Variants in SNX4 observed in about 807,000 individuals in gnomAD.
The protein encoded by SNX4 is sorting nexin 4.
Under a neutral mutation model 70.8 loss-of-function variants are expected in SNX4, and 49 were observed. That is an observed-to-expected ratio of 0.69 (90% CI 0.55 to 0.88). The LOEUF (loss-of-function observed/expected upper bound fraction) is 0.88, where lower values mean the gene tolerates loss of function less well. Among genes scored for constraint, SNX4 ranks in the 40% least tolerant of loss-of-function variants. The pLI is 0.00. For missense variants in SNX4, 528 were observed against 544.8 expected (o/e 0.97, Z 0.31); for synonymous variants, 206 against 183.8 (o/e 1.12, Z -0.98).
At chr3:125,518,535 A>G (rs1184566308) in intron 1 of SNX4, among the ~76,000 whole-genome samples, 4 of 152,152 alleles carry the variant, frequency 2.6e-5, no homozygotes. Flanking sequence ...CAGCAGGCAA[A>G]ACTTTCAAAT....
intron 1 of SNX4, among the ~76,000 whole-genome samples, chr3:125,514,751 T>G (rs916549213): frequency 4.6e-5 from 7 of 152,146 alleles, no homozygotes; most frequent in African/African-American, 1.7e-4. Context: ...TACAGTGACA[T>G]GATCATGGCT....
chr3:125,496,653 GAAGA>G (rs969080234), intron 5 of SNX4, among the ~76,000 whole-genome samples: 2 of 152,164 alleles, frequency 1.3e-5, no homozygotes, highest in African/African-American at 4.8e-5. Flanking sequence ...TTCTTTTAGG[GAAGA>G]AATAAACAGC....
chr3:125,456,894 C>T (rs1018487762), intron 11 of SNX4, among the ~76,000 whole-genome samples: 5 of 152,060 alleles, frequency 3.3e-5, no homozygotes, highest in Admixed American at 1.3e-4. Flanking sequence ...CTCCTGACCT[C>T]AGGTGATCCA....
intron 6 of SNX4, 38 bp downstream of exon 6, chr3:125,489,370 A>C: frequency 6.6e-7 from 1 of 1,510,224 alleles, no homozygotes; most frequent in African/African-American, 1.4e-5. Flanking sequence ...AGCACCATTC[A>C]AAACAACATT....
At chr3:125,505,831 C>T (rs761710699) in intron 1 of SNX4, among the ~76,000 whole-genome samples, 4 of 152,118 alleles carry the variant, frequency 2.6e-5, no homozygotes, top group Admixed American at 2.6e-4. Flanking sequence ...TGTGGTAGAG[C>T]GTGTCTTTAG....
intron 1 of SNX4, among the ~76,000 whole-genome samples, chr3:125,509,068 C>G (rs1165819896): frequency 1.3e-5 from 2 of 151,934 alleles, no homozygotes; most frequent in African/African-American, 4.8e-5. Context: ...CGTGGTGGCT[C>G]ATGCCTGTAA....
At chr3:125,458,481 TTA>T (rs2107528320) in intron 10 of SNX4, among the ~76,000 whole-genome samples, 1 of 152,254 alleles carries the variant, frequency 6.6e-6, no homozygotes, top group South Asian at 2.1e-4. Flanking sequence ...GAAATGTTTA[TTA>T]GTTTTTATGA....
chr3:125,457,892 T>C (rs957684958), intron 10 of SNX4, among the ~76,000 whole-genome samples: 1 of 151,980 alleles, frequency 6.6e-6, no homozygotes, highest in Non-Finnish European at 1.5e-5. Flanking sequence ...ACGTCATATA[T>C]TCTTAACACA....
At chr3:125,513,326 G>A (rs1376214721) in intron 1 of SNX4, among the ~76,000 whole-genome samples, 1 of 152,154 alleles carries the variant, frequency 6.6e-6, no homozygotes, top group Admixed American at 6.5e-5. Flanking sequence ...TCCCAGCCTC[G>A]AAGACTGTAA....
chr3:125,482,371 T>C (rs1389689205), intron 6 of SNX4, among the ~76,000 whole-genome samples: 1 of 152,218 alleles, frequency 6.6e-6, no homozygotes, highest in East Asian at 1.9e-4. Flanking sequence ...TGAGTGCATC[T>C]GTATTTCCTT....
At chr3:125,513,193 G>A (rs889223310) in intron 1 of SNX4, among the ~76,000 whole-genome samples, 2 of 152,244 alleles carry the variant, frequency 1.3e-5, no homozygotes, top group Non-Finnish European at 2.9e-5. Flanking sequence ...CCTGATAAAA[G>A]AGACCCCAGA....
Position 125,497,854 on chromosome 3 carries a change from A to G in SNX4, c.529T>C (p.Phe177Leu). 7 of 1,606,682 alleles carry G rather than the reference A, an allele frequency of 4.4e-6. No homozygotes were observed. In the South Asian group the frequency reaches 5.6e-5, roughly 13 times the overall value. The change falls in exon 4 of 14, where the codon TTC becomes CTC. Residue 177 changes from phenylalanine to leucine, a missense_variant. Phe to Leu is a conservative substitution (Grantham distance 22). Transcript: ENST00000251775. ...AATACCTGTGTTAAAAACAGATAGA[A>G]GATTTTGTCTCTACAAAGGATGGGA... ...SHPILCRDKI[F>L]YLFLTQEGNW...
intron 13 of SNX4, among the ~76,000 whole-genome samples, 172 bp downstream of exon 13, chr3:125,451,133 A>G (rs1933560582): frequency 6.6e-6 from 1 of 152,196 alleles, no homozygotes. Flanking sequence ...TTTTAAAATA[A>G]AAAAACCAAA....
chr3:125,462,836 G>T (rs542267635), intron 9 of SNX4, among the ~76,000 whole-genome samples: 6 of 152,118 alleles, frequency 3.9e-5, no homozygotes, highest in African/African-American at 1.4e-4. Flanking sequence ...TATCAGCTTC[G>T]CCCAGGAAAG....
At chr3:125,492,981 GACTA>G (rs1334941410) in intron 5 of SNX4, among the ~76,000 whole-genome samples, 3 of 152,170 alleles carry the variant, frequency 2.0e-5, no homozygotes, top group African/African-American at 4.8e-5. Context: ...ATGCTTTCAT[GACTA>G]ACTATGTTAA....
At chr3:125,452,874 C>A (rs1425113025) in intron 12 of SNX4, among the ~76,000 whole-genome samples, 1 of 152,174 alleles carries the variant, frequency 6.6e-6, no homozygotes, top group Non-Finnish European at 1.5e-5. Flanking sequence ...ACCTCAGCCT[C>A]CCAAAGTGCT....
chr3:125,450,299 A>G (rs1218288061), intron 13 of SNX4, among the ~76,000 whole-genome samples: 2 of 152,240 alleles, frequency 1.3e-5, no homozygotes, highest in Non-Finnish European at 2.9e-5. Flanking sequence ...TAATTCACTG[A>G]GCATAAATAT....
At chr3:125,501,876 T>A (rs969894979) in intron 2 of SNX4, among the ~76,000 whole-genome samples, 5 of 152,218 alleles carry the variant, frequency 3.3e-5, no homozygotes, top group Admixed American at 3.3e-4. Flanking sequence ...GTATTCACAG[T>A]CTAGCTATTA....
At chr3:125,500,042 A>G (rs1934889610) in intron 2 of SNX4, among the ~76,000 whole-genome samples, 1 of 152,080 alleles carries the variant, frequency 6.6e-6, no homozygotes, top group East Asian at 1.9e-4. Flanking sequence ...CCTGGGCAAC[A>G]AGAGCGAAAC....
Sources: gnomAD v4.1 joint callset for allele counts (sites outside exome capture counted in the v4.1 genomes callset) on GRCh38, gnomAD v4.1.1 for gene constraint, MANE v1.5 for transcripts, NCBI Gene and HGNC (gene_info 2026-07-23, HGNC 2026-07-21) for gene names.